GALNT5: variants seen among roughly 807,000 people sequenced by gnomAD.
GALNT5 encodes UDP-GalNAc:polypeptide N-acetylgalactosaminyltransferase 5.
A neutral mutation model predicts 85.4 loss-of-function variants in GALNT5; 72 were observed. The observed-to-expected ratio is 0.84, with a 90% CI of 0.70 to 1.03. GALNT5 has a LOEUF of 1.03. Ranked by LOEUF, GALNT5 falls within the 50% of genes least tolerant of loss-of-function variation. The pLI, the probability that GALNT5 is intolerant of heterozygous loss-of-function variation, is 0.00. For synonymous variants in GALNT5, 404 were observed against 397.0 expected, an observed-to-expected ratio of 1.02 and a Z score of -0.21; for missense variants, 1,137 against 1,135.5, an observed-to-expected ratio of 1.00 and a Z score of -0.02.
chr2:157,288,895 T>C (rs182190113), intron 3 of GALNT5, among the ~76,000 whole-genome samples: 15 of 152,210 alleles, frequency 9.9e-5, no homozygotes, highest in African/African-American at 3.4e-4. Flanking sequence ...ATGGAACGTA[T>C]AGGACTTGCC....
chr2:157,287,702 C>A (rs1276645615), intron 3 of GALNT5, among the ~76,000 whole-genome samples: 1 of 152,160 alleles, frequency 6.6e-6, no homozygotes, highest in Non-Finnish European at 1.5e-5. Flanking sequence ...CTTTTCCTCT[C>A]CCCTTTTTAG....
rs546841358 is a variant in GALNT5, at chr2:157,264,447, G to A, written c.1454+4911G>A. On this transcript the variant is annotated intron_variant, in intron 1 of 9. Coordinates refer to ENST00000259056, the MANE Select transcript of GALNT5 (RefSeq NM_014568.3). ...TCTACCACTGCTGTGTCCTCATAACGTTACTCAACTGCTTAATTTAATGCT... is the reference window on the plus strand; with the variant it reads ...TCTACCACTGCTGTGTCCTCATAACATTACTCAACTGCTTAATTTAATGCT... Among the ~76,000 whole-genome samples, 12 of 152,014 alleles carry A rather than the reference G, an allele frequency of 7.9e-5. No homozygotes were observed. The South Asian group carries it at 2.3e-3, about 29-fold the overall frequency.
chr2:157,311,137 A>G (rs2105173975), intron 9 of GALNT5, 71 bp from the exon 10 acceptor site: 2 of 1,205,262 alleles, frequency 1.7e-6, no homozygotes, highest in Non-Finnish European at 1.2e-6. Context: ...TTTTTAATTG[A>G]TTTTCATTTC....
rs771901704 is a variant in GALNT5, at chr2:157,259,427, C to T, written c.1345C>T (p.His449Tyr). The T allele has an allele frequency of 5.4e-6, 8 of 1,474,990 alleles. No homozygotes were observed. In the African/African-American group the frequency reaches 5.7e-5, roughly 10 times the overall value. 91.4% of individuals were successfully genotyped at this position (1,474,990 alleles called of 1,614,324 possible). The stretch of plus-strand genomic sequence containing the variant: ...GTTTGGGCGTCCTGTAGTTGTCCCC[C>T]ATGGAAAGGAGAAGGAGGCAGAAAG... ...GQFGRPVVVP[H>Y]GKEKEAERRW... is the part of the protein sequence containing the mutation. The change falls in exon 1 of 10, where the codon CAT becomes TAT. Residue 449 changes from histidine to tyrosine, a missense_variant. Coordinates refer to ENST00000259056, the MANE Select transcript of GALNT5 (RefSeq NM_014568.3).
chr2:157,283,239 A>C (rs1376923929), intron 1 of GALNT5, among the ~76,000 whole-genome samples: 1 of 152,326 alleles, frequency 6.6e-6, no homozygotes, highest in Non-Finnish European at 1.5e-5. Context: ...TCGACATTGA[A>C]ATAATATAGA....
At chr2:157,305,228 A>G (rs1195692521) in intron 7 of GALNT5, among the ~76,000 whole-genome samples, 2 of 152,206 alleles carry the variant, frequency 1.3e-5, no homozygotes, top group African/African-American at 4.8e-5. Context: ...TGACTTTCCT[A>G]TAATGAATTG....
chr2:157,277,917 C>T (rs530843851), intron 1 of GALNT5, among the ~76,000 whole-genome samples: 3 of 152,262 alleles, frequency 2.0e-5, no homozygotes, highest in African/African-American at 4.8e-5. Flanking sequence ...TTCATAGCAT[C>T]GATGGTCTTT....
intron 3 of GALNT5, 128 bp from the exon 4 acceptor site, chr2:157,295,534 GA>G (rs57727429): frequency 0.63 from 308,611 of 493,548 alleles, 69,300 homozygotes; most frequent in Middle Eastern, 0.68. Flanking sequence ...CACGAATTCA[GA>G]AAAAAAAAAA....
At chr2:157,304,166 T>C (rs1211513223) in intron 7 of GALNT5, among the ~76,000 whole-genome samples, 2 of 152,222 alleles carry the variant, frequency 1.3e-5, no homozygotes, top group African/African-American at 4.8e-5. Context: ...CCTTCATGTC[T>C]TTCTATTCAC....
intron 3 of GALNT5, among the ~76,000 whole-genome samples, chr2:157,291,668 C>T (rs1399949358): frequency 1.6e-5 from 2 of 126,914 alleles, no homozygotes; most frequent in African/African-American, 5.8e-5. Context: ...AAATGAAACC[C>T]ATCTGTAAAC....
At position 157,258,922 on chromosome 2, in the gene GALNT5, G is replaced by A; in HGVS notation, c.840G>A (p.Lys280=). 6.5e-7 allele frequency: 1 copy of A among 1,547,910 alleles called. No individual in the cohort carries two copies. The highest frequency in any genetic ancestry group is 8.7e-7 in the Non-Finnish European group (1 of 1,151,922). The stretch of plus-strand genomic sequence containing the variant: ...CCAATACGAGTCTTCCTTTTCCTAA[G>A]TTCACTGTCAATTCAAATCGCTTAA... ...HKANTSLPFP[K]FTVNSNRLRK... The change falls in exon 1 of 10, where the codon AAG becomes AAA. Residue 280 remains lysine, a synonymous_variant. Coordinates refer to ENST00000259056, the MANE Select transcript of GALNT5 (RefSeq NM_014568.3).
chr2:157,291,633 A>ACCCC (rs10650005), intron 3 of GALNT5, among the ~76,000 whole-genome samples: 48 of 117,032 alleles, frequency 4.1e-4, no homozygotes, highest in African/African-American at 6.0e-4. Flanking sequence ...GTTACCACCC[A>ACCCC]CCCCCCCCCA....
At chr2:157,261,694 G>A (rs1490425722) in intron 1 of GALNT5, among the ~76,000 whole-genome samples, 3 of 152,030 alleles carry the variant, frequency 2.0e-5, no homozygotes, top group Non-Finnish European at 2.9e-5. Context: ...ATCATTTTTT[G>A]TTCTTTTACC....
At chr2:157,263,766 G>A (rs1682399367) in intron 1 of GALNT5, among the ~76,000 whole-genome samples, 1 of 152,006 alleles carries the variant, frequency 6.6e-6, no homozygotes, top group Non-Finnish European at 1.5e-5. Flanking sequence ...GAAACCTGCA[G>A]CAAGTCTGTT....
chr2:157,280,112 A>G (rs1682825853), intron 1 of GALNT5, among the ~76,000 whole-genome samples: 1 of 152,096 alleles, frequency 6.6e-6, no homozygotes, highest in Non-Finnish European at 1.5e-5. Context: ...TCTTGCCTTA[A>G]CTCATTAAGC....
rs1387450626 is a variant in GALNT5 at position 157,298,830 on chromosome 2, G to A, written c.1998-718G>A. 3.3e-5 allele frequency: 5 copies of A among 152,344 alleles called. No individual in the cohort carries two copies. The East Asian group carries it at 7.7e-4, about 23-fold the overall frequency. The allele number at this position is 152,344 out of a possible 1,614,324, so 9.4% of individuals were successfully genotyped here. ...TCAGACTGCCCAGAGCAAACCCAAGGTGTCTACTGTCCTTGGGAAAGTTTC... is the reference window on the plus strand; with the variant it reads ...TCAGACTGCCCAGAGCAAACCCAAGATGTCTACTGTCCTTGGGAAAGTTTC... On this transcript the variant is annotated intron_variant, in intron 5 of 9. Coordinates refer to ENST00000259056, the MANE Select transcript of GALNT5 (RefSeq NM_014568.3).
At position 157,315,909 on chromosome 2, in the gene GALNT5, T is replaced by C. The variant is rs186333511; in HGVS notation, c.*4561T>C. Reference sequence around the variant, plus strand: ...AGCTTCCTCATGTTGAGAAAGACAGTTGCTCAAGAGAGGGTTTTCTGGGTT... The same window carrying C: ...AGCTTCCTCATGTTGAGAAAGACAGCTGCTCAAGAGAGGGTTTTCTGGGTT... On this transcript the variant is annotated 3_prime_UTR_variant, in exon 10 of 10. Transcript: ENST00000259056. Among the ~76,000 whole-genome samples the C allele has an allele frequency of 6.6e-6, 1 of 152,220 alleles. No homozygotes were observed. Among genetic ancestry groups the C allele is most frequent in the East Asian group, 1.9e-4 (1 of 5,178 alleles).
rs113218077 is a variant in GALNT5, at chr2:157,311,428, C to T, written c.*80C>T. On this transcript the variant is annotated 3_prime_UTR_variant, in exon 10 of 10. Transcript: ENST00000259056. Reference sequence around the variant, plus strand: ...TGAACTTGGAAACTATATTTCTCAGCGGTAGTTTAAATTTTCAATTTTAAT... The same window carrying T: ...TGAACTTGGAAACTATATTTCTCAGTGGTAGTTTAAATTTTCAATTTTAAT... 18 of 926,630 alleles carry T rather than the reference C, an allele frequency of 1.9e-5. No individual in the cohort carries two copies. The highest frequency in any genetic ancestry group is 8.7e-5 in the African/African-American group (5 of 57,350). The allele number at this position is 926,630 out of a possible 1,614,324, so 57.4% of individuals were successfully genotyped here. A position where few individuals can be genotyped will look rare whatever the true frequency, so the allele number is the denominator to read the frequency against.
chr2:157,260,002 G>C (rs1197841911), intron 1 of GALNT5, among the ~76,000 whole-genome samples: 3 of 152,180 alleles, frequency 2.0e-5, no homozygotes, highest in South Asian at 4.1e-4. Flanking sequence ...TTAACCAGCA[G>C]AATTCTGCCT....
Sources: allele counts gnomAD v4.1 joint callset (sites outside exome capture counted in the v4.1 genomes callset), GRCh38; gene constraint gnomAD v4.1.1; transcripts MANE v1.5; gene names NCBI Gene and HGNC (gene_info 2026-07-23, HGNC 2026-07-21).